The following ZNF407 variants were observed in gnomAD, a reference collection of about 807,000 sequenced individuals.
ZNF407 encodes the protein zinc finger protein 407.
ZNF407 carries 17 observed loss-of-function variants against 131.2 expected under a neutral mutation model. That is an observed-to-expected ratio of 0.13 (90% CI 0.09 to 0.19). The LOEUF is 0.19. ZNF407 is among the 10% of genes least tolerant of loss of function. The pLI, the probability that ZNF407 is intolerant of heterozygous loss-of-function variation, is 1.00. For synonymous variants in ZNF407, 1,156 were observed against 1,062.0 expected, an observed-to-expected ratio of 1.09 and a Z score of -1.72; for missense variants, 2,681 against 2,830.6, an observed-to-expected ratio of 0.95 and a Z score of 1.20.
intron 8 of ZNF407, among the ~76,000 whole-genome samples, chr18:75,040,016 G>A (rs887887186): frequency 6.6e-6 from 1 of 152,072 alleles, no homozygotes; most frequent in Non-Finnish European, 1.5e-5. Context: ...TACCTTGTTG[G>A]TCTCTCTCTC....
At chr18:74,611,850 A>G (rs1983071954) in intron 1 of ZNF407, among the ~76,000 whole-genome samples, 1 of 152,160 alleles carries the variant, frequency 6.6e-6, no homozygotes, top group South Asian at 2.1e-4. Flanking sequence ...CAGGTTTCTG[A>G]CTGTCAAGCC....
chr18:74,822,586 G>T (rs1030932607), intron 4 of ZNF407, among the ~76,000 whole-genome samples: 3 of 152,100 alleles, frequency 2.0e-5, no homozygotes, highest in African/African-American at 7.2e-5. Context: ...GATGTGTGGT[G>T]TTATTTCTGA....
Position 74,633,518 on chromosome 18 carries a change from A to G in ZNF407, c.2499A>G (p.Leu833=). The G allele has an allele frequency of 1.2e-6, 2 of 1,614,040 alleles. No individual in the cohort carries two copies. Among genetic ancestry groups the G allele is most frequent in the Non-Finnish European group, 1.7e-6 (2 of 1,179,898 alleles). The part of the protein sequence containing the change: ...QSGGSTKDDE[L]ASTTTPKRGR... Reference sequence around the variant, plus strand: ...GTGGTAGCACCAAAGATGATGAATTAGCTTCAACCACTACTCCAAAGAGAG... The same window carrying G: ...GTGGTAGCACCAAAGATGATGAATTGGCTTCAACCACTACTCCAAAGAGAG... The change falls in exon 2 of 9, where the codon TTA becomes TTG. Residue 833 remains leucine (L), a synonymous_variant. Transcript: ENST00000299687.
chr18:74,788,681 G>A (rs1020502610), intron 4 of ZNF407, among the ~76,000 whole-genome samples: 2 of 149,508 alleles, frequency 1.3e-5, no homozygotes, highest in Non-Finnish European at 3.0e-5. Context: ...GAGGTAGTGA[G>A]TTTTTAAGTG....
chr18:74,852,756 T>C (rs573432043), intron 4 of ZNF407, among the ~76,000 whole-genome samples: 1 of 152,298 alleles, frequency 6.6e-6, no homozygotes, highest in South Asian at 2.1e-4. Flanking sequence ...AAGGCTGTTC[T>C]GAAAAATGAG....
chr18:74,771,543 A>ATAAT (rs376144802), intron 3 of ZNF407, among the ~76,000 whole-genome samples: 146,682 of 151,836 alleles, frequency 0.97, 71,074 homozygotes, highest in Non-Finnish European at 1. Context: ...GAAGTCTTTA[A>ATAAT]TAATTTCAGT....
intron 1 of ZNF407, among the ~76,000 whole-genome samples, chr18:74,602,936 G>C (rs550004763): frequency 6.7e-6 from 1 of 149,292 alleles, no homozygotes; most frequent in South Asian, 2.1e-4. Flanking sequence ...AATGCCTCAG[G>C]GGGACTCCTA....
chr18:75,013,739 A>G (rs747043809), intron 8 of ZNF407, among the ~76,000 whole-genome samples: 5 of 152,112 alleles, frequency 3.3e-5, no homozygotes, highest in Non-Finnish European at 7.4e-5. Context: ...GTACCCCTGA[A>G]GAGCTCTGAG....
At chr18:75,058,042 A>C (rs895916794) in intron 8 of ZNF407, among the ~76,000 whole-genome samples, 2 of 152,204 alleles carry the variant, frequency 1.3e-5, no homozygotes, top group East Asian at 3.9e-4. Flanking sequence ...CAGAGGAAGG[A>C]GTCAGGTACG....
chr18:74,947,249 G>A (rs559651992), intron 8 of ZNF407, among the ~76,000 whole-genome samples: 1 of 151,958 alleles, frequency 6.6e-6, no homozygotes, highest in African/African-American at 2.4e-5. Flanking sequence ...CCTCCCCTCC[G>A]CCCAGTGAAT....
chr18:75,063,648 C>T lies in ZNF407; in HGVS notation c.5927C>T (p.Ser1976Leu), dbSNP rs750214167. The change falls in exon 9 of 9, where the codon TCG becomes TTG. Residue 1976 changes from serine (S) to leucine (L), a missense_variant. By Grantham distance (145) the Ser-to-Leu change is moderately radical (BLOSUM62 -2). Around this residue, in one of 6 missense-constraint regions of ZNF407, gnomAD observed 620 missense variants for 583.1 expected, o/e 1.06. Transcript: ENST00000299687. The surrounding 1 kb of genome is among the most constrained non-coding windows in gnomAD (Gnocchi z 6.6). ...QVTKQEILNL[S>L]EAGVAPPEAS... is the part of the protein sequence containing the mutation. ...ACCAAGCAGGAGATTTTAAACCTCT[C>T]GGAGGCTGGAGTCGCTCCCCCCGAG... 4.9e-5 allele frequency: 79 copies of T among 1,600,878 alleles called. No individual in the cohort carries two copies. The highest frequency in any genetic ancestry group is 6.9e-5 in the Admixed American group (4 of 58,040).
intron 1 of ZNF407, among the ~76,000 whole-genome samples, chr18:74,612,146 A>G (rs1983087108): frequency 6.6e-6 from 1 of 152,220 alleles, no homozygotes; most frequent in South Asian, 2.1e-4. Context: ...TTGTAGAAGA[A>G]TACACAGTTT....
intron 8 of ZNF407, among the ~76,000 whole-genome samples, chr18:74,975,091 T>C (rs7238640): frequency 0.23 from 34,579 of 152,188 alleles, 5,187 homozygotes; most frequent in African/African-American, 0.41. Flanking sequence ...AATTCTGAAC[T>C]CATTTGAGTA....
At chr18:75,004,768 A>G (rs192135510) in intron 8 of ZNF407, among the ~76,000 whole-genome samples, 147 of 152,142 alleles carry the variant, frequency 9.7e-4, no homozygotes, top group African/African-American at 3.5e-3. Context: ...TCATTTTTCA[A>G]CCCTGTGTTT....
At chr18:74,598,590 C>T (rs1217666843) in intron 1 of ZNF407, 1 of 152,400 alleles carries the variant, frequency 6.6e-6, no homozygotes, top group Admixed American at 6.5e-5. Context: ...CGTTAAGCGA[C>T]GCTGGTGTGG....
chr18:74,948,271 G>C (rs1047376834), intron 8 of ZNF407, among the ~76,000 whole-genome samples: 6 of 152,156 alleles, frequency 3.9e-5, no homozygotes, highest in African/African-American at 9.7e-5. Context: ...TGTGCCATGG[G>C]AGTATCATAT....
intron 3 of ZNF407, among the ~76,000 whole-genome samples, chr18:74,690,794 AT>A (rs1967202532): frequency 6.6e-6 from 1 of 152,196 alleles, no homozygotes; most frequent in African/African-American, 2.4e-5. Flanking sequence ...ATATTAGCCT[AT>A]TTTGATTTTT....
intron 8 of ZNF407, among the ~76,000 whole-genome samples, chr18:75,019,209 G>A (rs1409971499): frequency 6.6e-6 from 1 of 151,992 alleles, no homozygotes; most frequent in African/African-American, 2.4e-5. Context: ...AAAATTTGAG[G>A]TAGCTTATAT....
At chr18:74,786,687 TTC>T (rs1969719699) in intron 4 of ZNF407, among the ~76,000 whole-genome samples, 2 of 151,890 alleles carry the variant, frequency 1.3e-5, no homozygotes, top group Admixed American at 6.6e-5. Flanking sequence ...TGCGAACTCT[TTC>T]TGTTTTTTCA....
Sources: gnomAD v4.1 joint callset for allele counts (sites outside exome capture counted in the v4.1 genomes callset) on GRCh38, gnomAD v4.1.1 for gene constraint, gnomAD v4.1.1 regional missense constraint, Gnocchi (gnomAD v3.1) non-coding constraint, MANE v1.5 for transcripts, NCBI Gene and HGNC (gene_info 2026-07-23, HGNC 2026-07-21) for gene names.